SEZ6L: variants seen among roughly 807,000 people sequenced by gnomAD.
The protein encoded by SEZ6L is seizure related 6 homolog like.
Under a neutral mutation model 106.2 loss-of-function variants are expected in SEZ6L, and 37 were observed. The ratio of observed to expected loss-of-function variants is 0.35; its 90% CI spans 0.27 to 0.46. The LOEUF (loss-of-function observed/expected upper bound fraction) is 0.46, where lower values mean the gene tolerates loss of function less well. SEZ6L is among the 20% of genes least tolerant of loss of function. The probability of loss-of-function intolerance (pLI) is 1.00; values close to 1 mark genes in which losing one functional copy is unlikely to be tolerated. For synonymous variants in SEZ6L, 541 were observed against 570.4 expected (o/e 0.95, Z 0.73); for missense variants, 1,172 against 1,332.8 (o/e 0.88, Z 1.88).
chr22:26,348,821 A>G (rs2083172233), intron 11 of SEZ6L, among the ~76,000 whole-genome samples: 1 of 12,146 alleles, frequency 8.2e-5, no homozygotes. Context: ...GAGAGAAGAG[A>G]GGGAAGGGGG....
intron 9 of SEZ6L, among the ~76,000 whole-genome samples, chr22:26,339,848 G>T (rs1340797667): frequency 6.6e-6 from 1 of 152,186 alleles, no homozygotes; most frequent in Non-Finnish European, 1.5e-5. Context: ...TGCCAATAAT[G>T]GGAGTTTTGA....
chr22:26,264,994 C>T (rs1243323576), intron 1 of SEZ6L, among the ~76,000 whole-genome samples: 1 of 152,138 alleles, frequency 6.6e-6, no homozygotes, highest in Non-Finnish European at 1.5e-5. Flanking sequence ...ACGGTGCATT[C>T]ATATTGCACT....
rs114145797 is a variant in SEZ6L, at chr22:26,382,168, A to G, written c.*1873A>G. 3,399 of 413,446 alleles carry G rather than the reference A, an allele frequency of 8.2e-3. 125 individuals are homozygous for G. Among genetic ancestry groups the G allele is most frequent in the African/African-American group, 0.063 (3,085 of 48,856 alleles). 25.6% of individuals were successfully genotyped at this position (413,446 alleles called of 1,614,324 possible). A position where few individuals can be genotyped will look rare whatever the true frequency, so the allele number is the denominator to read the frequency against. On this transcript the variant is annotated 3_prime_UTR_variant, in exon 17 of 17. Transcript: ENST00000248933. ...AGCTAAAGGCTGCTTTCCAGGACCC[A>G]AAGCCCCATTTAATGCAAGAACCAG...
chr22:26,332,078 T>C (rs1393436210), intron 9 of SEZ6L, among the ~76,000 whole-genome samples: 1 of 151,970 alleles, frequency 6.6e-6, no homozygotes, highest in African/African-American at 2.4e-5. Context: ...TCTATAACAC[T>C]GTAGGGTGAC....
chr22:26,173,884 C>T (rs1050353557), intron 1 of SEZ6L, among the ~76,000 whole-genome samples: 6 of 152,074 alleles, frequency 3.9e-5, no homozygotes, highest in Admixed American at 3.9e-4. Flanking sequence ...TCATGGGGGC[C>T]CTATCTTTAT....
intron 1 of SEZ6L, among the ~76,000 whole-genome samples, chr22:26,259,762 G>A (rs1030307159): frequency 6.6e-6 from 1 of 152,154 alleles, no homozygotes; most frequent in African/African-American, 2.4e-5. Flanking sequence ...GCTGCTTGCA[G>A]GGCCACCTTC....
chr22:26,383,331 A>G lies in SEZ6L; in HGVS notation c.*3036A>G, dbSNP rs2084468926. 6.6e-6 allele frequency: 1 copy of G among 152,030 alleles called. No homozygotes were observed. Among genetic ancestry groups the G allele is most frequent in the South Asian group, 2.1e-4 (1 of 4,822 alleles). 9.4% of individuals were successfully genotyped at this position (152,030 alleles called of 1,614,324 possible). Reference sequence around the variant, plus strand: ...TATGTGGGTAGCTTTAGGCTGAGGCACGGGCCTCAGGCAAAAATGCCCTTC... The same window carrying G: ...TATGTGGGTAGCTTTAGGCTGAGGCGCGGGCCTCAGGCAAAAATGCCCTTC... On this transcript the variant is annotated 3_prime_UTR_variant, in exon 17 of 17. Transcript: ENST00000248933.
At chr22:26,287,243 A>G (rs577151350) in intron 1 of SEZ6L, among the ~76,000 whole-genome samples, 1 of 152,216 alleles carries the variant, frequency 6.6e-6, no homozygotes, top group African/African-American at 2.4e-5. Flanking sequence ...ATCAGCGTGC[A>G]TTTAAGGAAA....
intron 1 of SEZ6L, among the ~76,000 whole-genome samples, chr22:26,196,502 G>A (rs1205075855): frequency 6.6e-6 from 1 of 152,216 alleles, no homozygotes; most frequent in East Asian, 1.9e-4. Context: ...TGGGGTGGAA[G>A]ACAAAGTCAG....
At position 26,257,364 on chromosome 22, in the gene SEZ6L, A is replaced by G. The variant is rs528937114; in HGVS notation, c.95-35042A>G. Among the ~76,000 whole-genome samples, 286 of 152,344 alleles carry G rather than the reference A, an allele frequency of 1.9e-3. 1 individual carries two copies. Among genetic ancestry groups the G allele is most frequent in the African/African-American group, 6.7e-3 (277 of 41,586 alleles). ...AAAATCCCCTACAAAATCCCATTTA[A>G]CTTCTCATTTTACAGGAGAGAAAAC... On this transcript the variant is annotated intron_variant, in intron 1 of 16. Transcript: ENST00000248933.
At chr22:26,373,308 T>C in intron 13 of SEZ6L, 143 bp from the exon 14 acceptor site, 1 of 669,306 alleles carries the variant, frequency 1.5e-6, no homozygotes, top group South Asian at 2.0e-5. Flanking sequence ...TCACTGATTA[T>C]AGTGGCCCAA....
intron 1 of SEZ6L, among the ~76,000 whole-genome samples, chr22:26,268,948 C>G (rs2080275690): frequency 6.6e-6 from 1 of 152,208 alleles, no homozygotes; most frequent in African/African-American, 2.4e-5. Flanking sequence ...CCTTTAGTCT[C>G]TCTGAGCCTC....
intron 1 of SEZ6L, among the ~76,000 whole-genome samples, chr22:26,240,092 TCACACA>T (rs1556193806): frequency 2.8e-4 from 33 of 116,204 alleles, no homozygotes; most frequent in South Asian, 1.0e-3. Flanking sequence ...ACACACACAC[TCACACA>T]CACACACACA....
At chr22:26,295,061 C>G (rs981575576) in intron 3 of SEZ6L, among the ~76,000 whole-genome samples, 30 of 152,238 alleles carry the variant, frequency 2.0e-4, no homozygotes, top group Admixed American at 1.2e-3. Context: ...TGGCATAATG[C>G]TCAAACATCT....
intron 1 of SEZ6L, among the ~76,000 whole-genome samples, chr22:26,222,580 A>G (rs925106415): frequency 2.3e-4 from 24 of 102,872 alleles, no homozygotes; most frequent in African/African-American, 8.0e-4. Flanking sequence ...CATTCTGGAG[A>G]AAAAAAACTG....
intron 1 of SEZ6L, among the ~76,000 whole-genome samples, chr22:26,264,008 C>A (rs1026533978): frequency 6.6e-6 from 1 of 152,244 alleles, no homozygotes; most frequent in Non-Finnish European, 1.5e-5. Context: ...GATGTCCCCT[C>A]TACCTCACGT....
chr22:26,297,092 C>T lies in SEZ6L; in HGVS notation c.1162+12C>T. ...GCTTCACTACCAGGGTAGGGTCAGG[C>T]CAAGGCTGATGAAACATAGGCGTTT... On this transcript the variant is annotated intron_variant, in intron 4 of 16. Coordinates refer to ENST00000248933, the MANE Select transcript of SEZ6L (RefSeq NM_021115.5). 1 of 1,580,308 alleles carries T rather than the reference C, an allele frequency of 6.3e-7. No homozygotes were observed. Among genetic ancestry groups the T allele is most frequent in the African/African-American group, 1.4e-5 (1 of 73,936 alleles).
At chr22:26,244,911 G>A (rs1468771432) in intron 1 of SEZ6L, among the ~76,000 whole-genome samples, 6 of 152,150 alleles carry the variant, frequency 3.9e-5, no homozygotes, top group South Asian at 2.1e-4. Flanking sequence ...ATAGCAGAAC[G>A]AGGGGTTTGT....
intron 1 of SEZ6L, among the ~76,000 whole-genome samples, chr22:26,290,637 C>T (rs1400700080): frequency 6.6e-6 from 1 of 152,162 alleles, no homozygotes; most frequent in Non-Finnish European, 1.5e-5. Flanking sequence ...TCACTTGATC[C>T]CAGGAGTTTG....
Sources: gnomAD v4.1 joint callset for allele counts (sites outside exome capture counted in the v4.1 genomes callset) on GRCh38, gnomAD v4.1.1 for gene constraint, MANE v1.5 for transcripts, NCBI Gene and HGNC (gene_info 2026-07-23, HGNC 2026-07-21) for gene names.